Variants in GABRB2 observed in about 807,000 individuals in gnomAD.
GABRB2 encodes gamma-aminobutyric acid type A receptor subunit beta2.
In GABRB2, 16 loss-of-function variants were observed where a neutral mutation model predicts 54.7. That is an observed-to-expected ratio of 0.29 (90% CI 0.20 to 0.44). The LOEUF is 0.44. GABRB2 is among the 20% of genes least tolerant of loss of function. The pLI is 1.00. For missense variants in GABRB2, 355 were observed against 644.0 expected (o/e 0.55, Z 4.86); for synonymous variants, 244 against 233.8 (o/e 1.04, Z -0.40).
chr5:161,503,166 T>G (rs1023312857), intron 3 of GABRB2, among the ~76,000 whole-genome samples: 1 of 151,664 alleles, frequency 6.6e-6, no homozygotes, highest in African/African-American at 2.4e-5. Flanking sequence ...TATTCTTAGA[T>G]AAAGACTTTA....
At chr5:161,402,770 T>A (rs1756236187) in intron 5 of GABRB2, among the ~76,000 whole-genome samples, 1 of 152,148 alleles carries the variant, frequency 6.6e-6, no homozygotes, top group South Asian at 2.1e-4. Context: ...TTAGAAAGCC[T>A]GGAGATGGGG....
chr5:161,366,537 G>A (rs907614893), intron 5 of GABRB2, among the ~76,000 whole-genome samples: 1 of 152,178 alleles, frequency 6.6e-6, no homozygotes, highest in Non-Finnish European at 1.5e-5. Flanking sequence ...CTGGGTACCT[G>A]AGAGCAGAAA....
At chr5:161,340,555 T>A (rs1320139291) in intron 5 of GABRB2, among the ~76,000 whole-genome samples, 2 of 151,974 alleles carry the variant, frequency 1.3e-5, no homozygotes, top group African/African-American at 2.4e-5. Context: ...TCACTATATA[T>A]TTCTCCCTAT....
At chr5:161,451,624 T>C (rs566098303) in intron 4 of GABRB2, among the ~76,000 whole-genome samples, 24 of 152,200 alleles carry the variant, frequency 1.6e-4, no homozygotes, top group Non-Finnish European at 3.2e-4. Flanking sequence ...GTCCATCTTA[T>C]ATAAAAACCA....
chr5:161,370,252 T>C (rs188849075), intron 5 of GABRB2, among the ~76,000 whole-genome samples: 43 of 152,302 alleles, frequency 2.8e-4, no homozygotes, highest in African/African-American at 1.0e-3. Flanking sequence ...AGGAGGACTA[T>C]AGTGAGTTAA....
rs78076437 is a variant in GABRB2, at chr5:161,511,972, A to C, written c.237+33255T>G. On this transcript the variant is annotated intron_variant, in intron 3 of 9. Coordinates refer to ENST00000393959, the MANE Select transcript of GABRB2 (RefSeq NM_001371727.1). ...AATATGAATTTGAGTCACACAATTC[A>C]ATCCATGGTTAATATTAACAAGACA... Among the ~76,000 whole-genome samples the C allele has an allele frequency of 5.3e-5, 8 of 152,142 alleles. No individual in the cohort carries two copies. The East Asian group carries it at 1.2e-3, about 22-fold the overall frequency.
chr5:161,495,782 C>T (rs1246338112), intron 3 of GABRB2, among the ~76,000 whole-genome samples: 1 of 152,076 alleles, frequency 6.6e-6, no homozygotes, highest in Admixed American at 6.6e-5. Flanking sequence ...GAGACTTCCT[C>T]ATGAGGTGGC....
At chr5:161,509,740 C>A (rs913823731) in intron 3 of GABRB2, among the ~76,000 whole-genome samples, 5 of 151,888 alleles carry the variant, frequency 3.3e-5, no homozygotes, top group African/African-American at 1.2e-4. Flanking sequence ...TGGCTCCATA[C>A]AACCAGCACA....
intron 4 of GABRB2, among the ~76,000 whole-genome samples, chr5:161,430,070 T>C (rs71605494): frequency 0.022 from 3,422 of 152,270 alleles, 59 homozygotes; most frequent in Non-Finnish European, 0.034. Flanking sequence ...AGGGCTAATG[T>C]TAAGCAGCCC....
intron 4 of GABRB2, among the ~76,000 whole-genome samples, chr5:161,422,699 G>T (rs1237505691): frequency 6.6e-6 from 1 of 151,958 alleles, no homozygotes; most frequent in Non-Finnish European, 1.5e-5. Flanking sequence ...TTGCACTAAG[G>T]GCATTCCTTG....
chr5:161,537,400 A>G (rs1760672428), intron 3 of GABRB2, among the ~76,000 whole-genome samples: 1 of 151,866 alleles, frequency 6.6e-6, no homozygotes, highest in South Asian at 2.1e-4. Context: ...TTCCATGTGC[A>G]TAGAAAAAAA....
chr5:161,422,925 C>CAAAT (rs1156722229), intron 4 of GABRB2, among the ~76,000 whole-genome samples: 1 of 152,098 alleles, frequency 6.6e-6, no homozygotes, highest in Non-Finnish European at 1.5e-5. Flanking sequence ...GATGTCTATA[C>CAAAT]AAATATCTTT....
intron 3 of GABRB2, among the ~76,000 whole-genome samples, chr5:161,496,502 G>GA (rs1759254436): frequency 7.0e-6 from 1 of 143,824 alleles, no homozygotes; most frequent in South Asian, 2.2e-4. Context: ...TTAAAAAAGA[G>GA]AAAAAAGAAA....
At chr5:161,489,755 C>T (rs1209979394) in intron 3 of GABRB2, among the ~76,000 whole-genome samples, 1 of 151,558 alleles carries the variant, frequency 6.6e-6, no homozygotes, top group Non-Finnish European at 1.5e-5. Flanking sequence ...AAAATGCTAC[C>T]CAAAAATGTT....
At chr5:161,469,517 A>AC (rs1473639823) in intron 3 of GABRB2, among the ~76,000 whole-genome samples, 2 of 151,374 alleles carry the variant, frequency 1.3e-5, no homozygotes, top group Admixed American at 6.6e-5. Context: ...ACCAAAAAAA[A>AC]CCAAAAAACA....
chr5:161,489,933 A>G (rs1446284667), intron 3 of GABRB2, among the ~76,000 whole-genome samples: 1 of 151,690 alleles, frequency 6.6e-6, no homozygotes, highest in Non-Finnish European at 1.5e-5. Context: ...AAGCATACCA[A>G]TGGGTTTCAA....
chr5:161,527,751 T>C (rs1760327940), intron 3 of GABRB2, among the ~76,000 whole-genome samples: 1 of 151,592 alleles, frequency 6.6e-6, no homozygotes, highest in African/African-American at 2.4e-5. Flanking sequence ...GGCAATAAAA[T>C]TTAGTTAATC....
intron 5 of GABRB2, among the ~76,000 whole-genome samples, chr5:161,367,420 GTTA>G (rs1755001490): frequency 6.6e-6 from 1 of 152,092 alleles, no homozygotes; most frequent in Non-Finnish European, 1.5e-5. Context: ...TATTATTGTT[GTTA>G]TTATTGTTGA....
intron 9 of GABRB2, among the ~76,000 whole-genome samples, chr5:161,298,140 T>A (rs752399266): frequency 7.9e-5 from 12 of 152,178 alleles, no homozygotes. Context: ...TTTTCTCTTG[T>A]TAATTTGTTT....
Sources: allele counts gnomAD v4.1 joint callset (sites outside exome capture counted in the v4.1 genomes callset), GRCh38; gene constraint gnomAD v4.1.1; transcripts MANE v1.5; gene names NCBI Gene and HGNC (gene_info 2026-07-23, HGNC 2026-07-21).